RASGRP3: variants seen among roughly 807,000 people sequenced by gnomAD.
RASGRP3 encodes the protein RAS guanyl releasing protein 3, also known as ras guanyl-releasing protein 3.
In RASGRP3, 54 loss-of-function variants were observed where a neutral mutation model predicts 82.7. The observed-to-expected ratio is 0.65, with a 90% CI of 0.52 to 0.82. The LOEUF is 0.82. Among genes scored for constraint, RASGRP3 ranks in the 40% least tolerant of loss-of-function variants. The pLI is 0.00. For missense variants in RASGRP3, 861 were observed against 828.9 expected (o/e 1.04, Z -0.48); for synonymous variants, 309 against 300.5 (o/e 1.03, Z -0.29).
chr2:33,555,504 C>A, intron 14 of RASGRP3, 27 bp from the exon 15 acceptor site: 1 of 1,578,898 alleles, frequency 6.3e-7, no homozygotes, highest in East Asian at 2.2e-5. Context: ...CTCAGATTCC[C>A]TGACATTCCT....
upstream of RASGRP3, among the ~76,000 whole-genome samples, chr2:33,473,445 A>G (rs1314566110): frequency 1.3e-5 from 2 of 151,954 alleles, no homozygotes; most frequent in African/African-American, 4.8e-5. Flanking sequence ...TGAGAACGTG[A>G]GCATGTTTAG....
Position 33,549,731 on chromosome 2 carries a change from T to A in RASGRP3, c.1522T>A (p.Cys508Ser). Residue 508 changes from cysteine to serine, a missense_variant, in exon 14 of 18, where the codon TGC (cysteine) becomes AGC (serine). Cys to Ser is a moderately radical substitution (Grantham distance 112). Coordinates refer to ENST00000403687, the MANE Select transcript of RASGRP3 (RefSeq NM_001139488.2). Reference protein sequence around the residue: ...QEMTYLKPTFCEHCAGFLWGI... With the variant: ...QEMTYLKPTFSEHCAGFLWGI... The stretch of plus-strand genomic sequence containing the variant: ...GATGACCTATCTCAAGCCAACCTTC[T>A]GCGAACACTGTGCGGGATTTGTAAG... 1.9e-6 allele frequency: 3 copies of A among 1,613,962 alleles called. No individual in the cohort carries two copies. The highest frequency in any genetic ancestry group is 2.5e-6 in the Non-Finnish European group (3 of 1,179,876).
chr2:33,450,709 G>C (rs1665736625), intron 2 of RASGRP3, among the ~76,000 whole-genome samples: 1 of 150,462 alleles, frequency 6.6e-6, no homozygotes, highest in South Asian at 2.1e-4. Flanking sequence ...TTGACATGCT[G>C]ATTTCATTTT....
intron 3 of RASGRP3, among the ~76,000 whole-genome samples, chr2:33,516,019 C>G (rs1208573503): frequency 6.6e-6 from 1 of 152,152 alleles, no homozygotes; most frequent in African/African-American, 2.4e-5. Flanking sequence ...AACTGATTGT[C>G]CTGAATTTTA....
intron 1 of RASGRP3, among the ~76,000 whole-genome samples, chr2:33,445,571 C>A (rs1046637738): frequency 1.3e-5 from 2 of 152,010 alleles, no homozygotes; most frequent in Non-Finnish European, 2.9e-5. Flanking sequence ...CTGCATACTG[C>A]ACCTAAAATG....
chr2:33,537,315 CACACA>C (rs1364841184), intron 11 of RASGRP3, among the ~76,000 whole-genome samples: 4 of 46,268 alleles, frequency 8.6e-5, no homozygotes, highest in African/African-American at 5.8e-4. Context: ...TACACACACA[CACACA>C]CCGCCCCCCC....
At chr2:33,529,174 G>C (rs145030780) in intron 10 of RASGRP3, among the ~76,000 whole-genome samples, 126 of 152,244 alleles carry the variant, frequency 8.3e-4, no homozygotes, top group African/African-American at 3.0e-3. Context: ...AATATTTAGA[G>C]GAATATTGAA....
intron 1 of RASGRP3, among the ~76,000 whole-genome samples, chr2:33,437,335 G>T (rs1018841183): frequency 6.6e-6 from 1 of 152,202 alleles, no homozygotes; most frequent in Non-Finnish European, 1.5e-5. Context: ...CAAAAACTTG[G>T]AAAGCTACTA....
intron 13 of RASGRP3, among the ~76,000 whole-genome samples, chr2:33,546,417 C>T (rs757822549): frequency 1.4e-5 from 2 of 143,648 alleles, no homozygotes; most frequent in Admixed American, 6.9e-5. Flanking sequence ...AGCAAGACTC[C>T]GTCTCAAAAA....
intron 2 of RASGRP3, among the ~76,000 whole-genome samples, chr2:33,450,169 T>A (rs894051444): frequency 6.6e-6 from 1 of 152,220 alleles, no homozygotes; most frequent in Non-Finnish European, 1.5e-5. Flanking sequence ...TTTTGATATA[T>A]GTATACATTA....
intron 15 of RASGRP3, among the ~76,000 whole-genome samples, chr2:33,556,925 A>G (rs1045208416): frequency 1.4e-5 from 2 of 146,924 alleles, no homozygotes; most frequent in Non-Finnish European, 3.0e-5. Flanking sequence ...ACACACACAC[A>G]CACGCAATTT....
chr2:33,533,419 AATAAC>A (rs1377595436), intron 10 of RASGRP3: 1 of 152,240 alleles, frequency 6.6e-6, no homozygotes, highest in Non-Finnish European at 1.5e-5. Flanking sequence ...TAATATAACT[AATAAC>A]AAATGCGATA....
chr2:33,533,831 A>T (rs1339565634), intron 10 of RASGRP3: 1 of 156,516 alleles, frequency 6.4e-6, no homozygotes, highest in Non-Finnish European at 1.4e-5. Flanking sequence ...CTGTTTATTC[A>T]AATAAATTAT....
At chr2:33,444,839 T>A (rs1665418981) in intron 1 of RASGRP3, among the ~76,000 whole-genome samples, 1 of 152,230 alleles carries the variant, frequency 6.6e-6, no homozygotes, top group Non-Finnish European at 1.5e-5. Context: ...CTGGATGATA[T>A]GCTTGTAAAA....
At chr2:33,488,493 G>A (rs17013134) in intron 1 of RASGRP3, among the ~76,000 whole-genome samples, 2,403 of 152,262 alleles carry the variant, frequency 0.016, 61 homozygotes, top group African/African-American at 0.053. Context: ...TAGCTGGGCC[G>A]TAGGAAAGGA....
chr2:33,523,837 G>T (rs1253461462), intron 7 of RASGRP3, 42 bp from the exon 8 acceptor site: 2 of 1,501,730 alleles, frequency 1.3e-6, no homozygotes, highest in Admixed American at 2.1e-5. Context: ...ATTTTACAAA[G>T]GCTCTATTAT....
chr2:33,551,466 G>A (rs1231003235), intron 14 of RASGRP3, among the ~76,000 whole-genome samples: 2 of 152,192 alleles, frequency 1.3e-5, no homozygotes, highest in Non-Finnish European at 2.9e-5. Flanking sequence ...AGGCTGCTGG[G>A]CCATGGTATG....
intron 1 of RASGRP3, among the ~76,000 whole-genome samples, chr2:33,500,279 G>A (rs929309016): frequency 6.6e-6 from 1 of 152,164 alleles, no homozygotes; most frequent in Non-Finnish European, 1.5e-5. Context: ...GGGAACTGTG[G>A]AAGAATTTTG....
At chr2:33,515,366 T>C (rs1200477456) in intron 3 of RASGRP3, among the ~76,000 whole-genome samples, 160 bp downstream of exon 3, 1 of 152,174 alleles carries the variant, frequency 6.6e-6, no homozygotes, top group African/African-American at 2.4e-5. Context: ...TTCACTGCCC[T>C]CCATATTTCT....
Sources: allele counts gnomAD v4.1 joint callset (sites outside exome capture counted in the v4.1 genomes callset), GRCh38; gene constraint gnomAD v4.1.1; transcripts MANE v1.5; gene names NCBI Gene and HGNC (gene_info 2026-07-23, HGNC 2026-07-21).